RTL1: variants seen among roughly 807,000 people sequenced by gnomAD.
RTL1 encodes the protein retrotransposon-like protein 1.
For synonymous variants in RTL1, 727 were observed against 748.4 expected, an observed-to-expected ratio of 0.97 and a Z score of 0.47; for missense variants, 1,681 against 1,767.5, an observed-to-expected ratio of 0.95 and a Z score of 0.88.
chr14:100,884,398 C>G lies in RTL1; in HGVS notation c.391G>C (p.Ala131Pro), dbSNP rs2038667686. ...MKEASVNPSG[A>P]REEQEAHTDL... Reference sequence around the variant, plus strand: ...GTGTGAGCCTCTTGTTCTTCTCGGGCTCCCGATGGGTTGACTGATGCTTCT... The same window carrying G: ...GTGTGAGCCTCTTGTTCTTCTCGGGGTCCCGATGGGTTGACTGATGCTTCT... The change falls in exon 4 of 4, where the codon GCC (alanine) becomes CCC (proline). Residue 131 changes from alanine (A) to proline (P), a missense_variant. Ala to Pro is a conservative substitution (Grantham distance 27). Transcript: ENST00000649591. 1 of 1,599,556 alleles carries G rather than the reference C, an allele frequency of 6.3e-7. No homozygotes were observed. Among genetic ancestry groups the G allele is most frequent in the Non-Finnish European group, 8.5e-7 (1 of 1,172,180 alleles).
At position 100,881,300 on chromosome 14, in the gene RTL1, C is replaced by T; in HGVS notation, c.3489G>A (p.Leu1163=). 6.4e-7 allele frequency: 1 copy of T among 1,550,476 alleles called. No homozygotes were observed. The part of the protein sequence containing the change: ...VGANTIPAQE[L]AELFLGPGRW... ...GGCCAGGGCCCAGGAACAGCTCAGC[C>T]AGCTCCTGGGCTGGGATGGTGTTTG... Residue 1163 remains leucine, a synonymous_variant, in exon 4 of 4, where the codon CTG becomes CTA. Coordinates refer to ENST00000649591, the MANE Select transcript of RTL1 (RefSeq NM_001134888.3). This position sits in a 1 kb window ranked among gnomAD's most constrained non-coding sequence, Gnocchi z 6.6.
Position 100,883,374 on chromosome 14 carries a change from A to G in RTL1, c.1415T>C (p.Val472Ala), listed in dbSNP as rs1024715240. The G allele has an allele frequency of 1.9e-6, 3 of 1,550,730 alleles. No homozygotes were observed. The African/African-American group carries it at 4.1e-5, about 21-fold the overall frequency. Residue 472 changes from valine to alanine, a missense_variant, in exon 4 of 4, where the codon GTC becomes GCC. Val to Ala is a moderately conservative substitution (Grantham distance 64, BLOSUM62 0). Transcript: ENST00000649591. This position sits in a 1 kb window ranked among gnomAD's most constrained non-coding sequence, Gnocchi z 5.9. Reference sequence around the variant, plus strand: ...CACCAGGGGCTCCGTGTAGAGCCAGACAGGCTCGTTGCCAATCAGCGAGCC... The same window carrying G: ...CACCAGGGGCTCCGTGTAGAGCCAGGCAGGCTCGTTGCCAATCAGCGAGCC... ...VDGSLIGNEP[V>A]WLYTEPLVCI...
intron 2 of RTL1, among the ~76,000 whole-genome samples, chr14:100,894,170 T>C (rs1399526952): frequency 6.6e-6 from 1 of 150,464 alleles, no homozygotes; most frequent in African/African-American, 2.4e-5. Context: ...ATTAGCTGGG[T>C]GTGGTGGCGT....
In RTL1 at chr14:100,884,629, C is replaced by T. The variant is rs2038671412; in HGVS notation, c.160G>A (p.Glu54Lys). 6.2e-7 allele frequency: 1 copy of T among 1,613,614 alleles called. No homozygotes were observed. The highest frequency in any genetic ancestry group is 1.7e-5 in the Admixed American group (1 of 59,992). ...GGGCCACTGGGGGGCTCCTTCTTTT[C>T]CTGGGCTGGGCCGCTGGCTGGCCCT... ...EAGPASGPAQ[E>K]KKEPPSGPLQ... The change falls in exon 4 of 4, where the codon GAA (glutamate) becomes AAA (lysine). Residue 54 changes from glutamate (E) to lysine (K), a missense_variant. Glu to Lys is a moderately conservative substitution (Grantham distance 56). Transcript: ENST00000649591.
chr14:100,881,909 G>A lies in RTL1; in HGVS notation c.2880C>T (p.Asp960=), dbSNP rs1377979283. The A allele has an allele frequency of 6.2e-7, 1 of 1,613,640 alleles. No homozygotes were observed. The highest frequency in any genetic ancestry group is 8.5e-7 in the Non-Finnish European group (1 of 1,180,036). Residue 960 remains aspartate, a synonymous_variant, in exon 4 of 4, where the codon GAC becomes GAT. Coordinates refer to ENST00000649591, the MANE Select transcript of RTL1 (RefSeq NM_001134888.3). The surrounding 1 kb of genome is among the most constrained non-coding windows in gnomAD (Gnocchi z 6.6). The stretch of plus-strand genomic sequence containing the variant: ...GCCCGGGGAGAAGTACGGTGAGCCT[G>A]TCATTATTCAGAGAGGCTAGATCCT... ...NTEDLASLNN[D]RLTVLLPGHW...
At chr14:100,902,988 C>T (rs1197763182) in intron 2 of RTL1, among the ~76,000 whole-genome samples, 1 of 152,116 alleles carries the variant, frequency 6.6e-6, no homozygotes, top group African/African-American at 2.4e-5. Flanking sequence ...CTTAATCGCA[C>T]AAATCAAGTC....
At chr14:100,892,935 C>T (rs1035984406) in intron 3 of RTL1, among the ~76,000 whole-genome samples, 3 of 152,008 alleles carry the variant, frequency 2.0e-5, no homozygotes, top group Non-Finnish European at 4.4e-5. Flanking sequence ...ATTCGGAGGG[C>T]GAGGTGCTGG....
chr14:100,895,640 T>C (rs940926019), intron 2 of RTL1, among the ~76,000 whole-genome samples: 1 of 152,154 alleles, frequency 6.6e-6, no homozygotes, highest in Admixed American at 6.5e-5. Context: ...CTTGAGGCAA[T>C]GGCATATCTT....
At position 100,880,634 on chromosome 14, in the gene RTL1, G is replaced by A. The variant is rs1036045558; in HGVS notation, c.*78C>T. 131 of 1,527,002 alleles carry A rather than the reference G, an allele frequency of 8.6e-5. No homozygotes were observed. Among genetic ancestry groups the A allele is most frequent in the Admixed American group, 6.0e-4 (30 of 49,620 alleles). The allele number at this position is 1,527,002 out of a possible 1,614,324, so 94.6% of individuals were successfully genotyped here. On this transcript the variant is annotated 3_prime_UTR_variant, in exon 4 of 4. Transcript: ENST00000649591. Reference sequence around the variant, plus strand: ...GAAGGGAAGCGAAGCAGGCTGAGGCGCGGGGAGGCCAGGGGACGTCGGGAG... The same window carrying A: ...GAAGGGAAGCGAAGCAGGCTGAGGCACGGGGAGGCCAGGGGACGTCGGGAG...
intron 3 of RTL1, among the ~76,000 whole-genome samples, chr14:100,887,253 C>G (rs749673699): frequency 1.3e-5 from 2 of 152,104 alleles, no homozygotes; most frequent in Non-Finnish European, 2.9e-5. Flanking sequence ...AAATTCTGAC[C>G]ATGTCATTCC....
intron 3 of RTL1, among the ~76,000 whole-genome samples, chr14:100,892,523 A>G (rs2038795524): frequency 6.6e-6 from 1 of 152,230 alleles, no homozygotes; most frequent in Non-Finnish European, 1.5e-5. Flanking sequence ...CTGTAATTGT[A>G]TGGTCAAGAT....
Position 100,884,637 on chromosome 14 carries a change from G to A in RTL1, c.152C>T (p.Pro51Leu), listed in dbSNP as rs149778073. 1,432 of 1,613,602 alleles carry A rather than the reference G, an allele frequency of 8.9e-4. 51 individuals carry two copies. In the East Asian group the frequency reaches 0.032, roughly 36 times the overall value. ...VRGEAGPASG[P>L]AQEKKEPPSG... Reference sequence around the variant, plus strand: ...GGGGGGCTCCTTCTTTTCCTGGGCTGGGCCGCTGGCTGGCCCTGCCTCTCC... The same window carrying A: ...GGGGGGCTCCTTCTTTTCCTGGGCTAGGCCGCTGGCTGGCCCTGCCTCTCC... The change falls in exon 4 of 4, where the codon CCA becomes CTA. Residue 51 changes from proline (P) to leucine (L), a missense_variant. Coordinates refer to ENST00000649591, the MANE Select transcript of RTL1 (RefSeq NM_001134888.3).
In RTL1 at chr14:100,884,094, T is replaced by C; in HGVS notation, c.695A>G (p.Tyr232Cys). ...ATAGCCAACTCTCAGACGGTCGTTA[T>C]AGAACATTCTTGGGTAGCTCTGTAA... ...LTLQSYPRMF[Y>C]NDRLRVGYVI... Residue 232 changes from tyrosine (Y) to cysteine (C), a missense_variant, in exon 4 of 4, where the codon TAT becomes TGT. Coordinates refer to ENST00000649591, the MANE Select transcript of RTL1 (RefSeq NM_001134888.3). The C allele has an allele frequency of 1.9e-6, 3 of 1,551,722 alleles. No homozygotes were observed. Among genetic ancestry groups the C allele is most frequent in the South Asian group, 1.2e-5 (1 of 84,058 alleles).
At position 100,883,496 on chromosome 14, in the gene RTL1, C is replaced by G. The variant is rs370281408; in HGVS notation, c.1293G>C (p.Ser431=). 1.3e-5 allele frequency: 20 copies of G among 1,551,466 alleles called. No individual in the cohort carries two copies. Among genetic ancestry groups the G allele is most frequent in the Non-Finnish European group, 1.7e-5 (20 of 1,146,972 alleles). ...CATCCATGAAGTTGCCGTCAGCTCC[C>G]GAATCCACCAGGGCCTGGACCGCGA... ...HSVAVQALVD[S]GADGNFMDEK... Residue 431 remains serine, a synonymous_variant, in exon 4 of 4, where the codon TCG becomes TCC. Transcript: ENST00000649591. This position sits in a 1 kb window ranked among gnomAD's most constrained non-coding sequence, Gnocchi z 5.9.
At chr14:100,901,302 C>T (rs1322321649) in intron 2 of RTL1, among the ~76,000 whole-genome samples, 1 of 152,268 alleles carries the variant, frequency 6.6e-6, no homozygotes, top group African/African-American at 2.4e-5. Context: ...CGCACACGCA[C>T]AGACATGCGC....
chr14:100,884,072 G>A lies in RTL1; in HGVS notation c.717C>T (p.Gly239=). The A allele has an allele frequency of 6.4e-7, 1 of 1,551,742 alleles. No homozygotes were observed. Among genetic ancestry groups the A allele is most frequent in the Non-Finnish European group, 8.7e-7 (1 of 1,147,000 alleles). The change falls in exon 4 of 4, where the codon GGC becomes GGT. Residue 239 remains glycine (G), a synonymous_variant. Coordinates refer to ENST00000649591, the MANE Select transcript of RTL1 (RefSeq NM_001134888.3). ...AGCCGGACAGGTGATTGATGACATA[G>A]CCAACTCTCAGACGGTCGTTATAGA... The part of the protein sequence containing the change: ...RMFYNDRLRV[G]YVINHLSGLA...
In RTL1 at chr14:100,903,335, TGCC is replaced by T. The variant is rs2038968402; in HGVS notation, c.-196_-194del. ...AAGCGTGAGGCTGGGGATGAAGTGA[TGCC>T]GGTGGCTTAGTGATGCCGGTGGCTT... On this transcript the variant is annotated 5_prime_UTR_variant, in exon 2 of 4. Coordinates refer to ENST00000649591, the MANE Select transcript of RTL1 (RefSeq NM_001134888.3). 6.6e-6 allele frequency among the ~76,000 whole-genome samples: 1 copy of T among 152,038 alleles called. No individual in the cohort carries two copies. Among genetic ancestry groups the T allele is most frequent in the Non-Finnish European group, 1.5e-5 (1 of 67,992 alleles).
At chr14:100,898,341 G>A (rs59914641) in intron 2 of RTL1, among the ~76,000 whole-genome samples, 9,680 of 152,258 alleles carry the variant, frequency 0.064, 485 homozygotes, top group South Asian at 0.17. Flanking sequence ...TGTTACCAAC[G>A]ACACTGCAGT....
At chr14:100,888,841 A>C (rs2038729170) in intron 3 of RTL1, among the ~76,000 whole-genome samples, 1 of 152,156 alleles carries the variant, frequency 6.6e-6, no homozygotes, top group Admixed American at 6.5e-5. Context: ...AAAATCTTTC[A>C]ACTTTGGTGT....
Sources: allele counts gnomAD v4.1 joint callset (sites outside exome capture counted in the v4.1 genomes callset), GRCh38; gene constraint gnomAD v4.1.1; non-coding constraint Gnocchi (gnomAD v3.1); transcripts MANE v1.5; gene names NCBI Gene and HGNC (gene_info 2026-07-23, HGNC 2026-07-21).